The following CLXN variants were observed in gnomAD, a reference collection of about 807,000 sequenced individuals.
CLXN encodes calaxin, also known as EF-hand calcium binding domain 1.
the CLXN span, among the ~76,000 whole-genome samples, chr8:48,717,854 C>T: frequency 6.6e-6 from 1 of 152,076 alleles, no homozygotes; most frequent in Non-Finnish European, 1.5e-5. Flanking sequence ...GAAATAACTA[C>T]CAAAACCCCT....
chr8:48,725,026 C>A, the CLXN span, among the ~76,000 whole-genome samples: 1 of 152,178 alleles, frequency 6.6e-6, no homozygotes, highest in African/African-American at 2.4e-5. Context: ...ACCCAACTCT[C>A]CAAAAGTCTC....
the CLXN span, chr8:48,716,438 G>T: frequency 1.3e-5 from 2 of 152,598 alleles, no homozygotes; most frequent in East Asian, 1.9e-4. Flanking sequence ...ATCCCACAGT[G>T]CAGTGGCAGG....
chr8:48,727,189 C>T, the CLXN span, among the ~76,000 whole-genome samples: 1 of 116,728 alleles, frequency 8.6e-6, no homozygotes, highest in Non-Finnish European at 1.8e-5. Context: ...ACCCACCCAT[C>T]CACCTCACCC....
At chr8:48,728,808 C>T in the CLXN span, among the ~76,000 whole-genome samples, 2 of 152,340 alleles carry the variant, frequency 1.3e-5, no homozygotes, top group East Asian at 1.9e-4. Context: ...TTCTGGCACA[C>T]ATTAAACCTC....
chr8:48,716,057 G>A, the CLXN span: 10 of 152,364 alleles, frequency 6.6e-5, 1 homozygote, highest in African/African-American at 2.4e-4. Context: ...GGCAGAGCGG[G>A]AGCCCACCCA....
At chr8:48,721,311 T>C in the CLXN span, among the ~76,000 whole-genome samples, 1 of 151,944 alleles carries the variant, frequency 6.6e-6, no homozygotes, top group South Asian at 2.1e-4. Context: ...TTAAAGAAAA[T>C]ACAGACCAAT....
the CLXN span, among the ~76,000 whole-genome samples, chr8:48,722,609 G>GT: frequency 1.3e-5 from 2 of 152,098 alleles, no homozygotes; most frequent in Non-Finnish European, 2.9e-5. Context: ...AGTTTTCAGT[G>GT]TATCCCTAGA....
the CLXN span, chr8:48,730,060 C>T: frequency 2.2e-6 from 1 of 461,778 alleles, no homozygotes; most frequent in African/African-American, 2.0e-5. Flanking sequence ...TTTCCTGATT[C>T]TCAATTATGA....
At chr8:48,717,729 C>T in the CLXN span, among the ~76,000 whole-genome samples, 1 of 152,014 alleles carries the variant, frequency 6.6e-6, no homozygotes, top group Non-Finnish European at 1.5e-5. Flanking sequence ...TACAAAGAAG[C>T]AAACTAATTA....
chr8:48,710,899 T>C, the CLXN span: 1 of 152,242 alleles, frequency 6.6e-6, no homozygotes, highest in Non-Finnish European at 1.5e-5. Flanking sequence ...TGTGCTGATG[T>C]AACTATGAGC....
the CLXN span, chr8:48,716,169 G>C: frequency 3.3e-5 from 5 of 152,420 alleles, no homozygotes; most frequent in African/African-American, 1.2e-4. Context: ...CTGCTTGGGC[G>C]GGCCGGCAGT....
the CLXN span, among the ~76,000 whole-genome samples, chr8:48,732,677 T>C: frequency 6.6e-6 from 1 of 152,154 alleles, no homozygotes; most frequent in Non-Finnish European, 1.5e-5. Flanking sequence ...ATGTTCATAG[T>C]GTCATCATTC....
chr8:48,729,880 G>T, the CLXN span: 2 of 1,597,722 alleles, frequency 1.3e-6, no homozygotes, highest in Non-Finnish European at 1.7e-6. Flanking sequence ...ATCTTTTTAA[G>T]AAAATAACAA....
At chr8:48,710,893 C>T in the CLXN span, 14 of 152,206 alleles carry the variant, frequency 9.2e-5, no homozygotes, top group Non-Finnish European at 1.8e-4. Context: ...TTACATTGTG[C>T]TGATGTAACT....
At chr8:48,723,139 AAC>A in the CLXN span, among the ~76,000 whole-genome samples, 2 of 152,228 alleles carry the variant, frequency 1.3e-5, no homozygotes, top group African/African-American at 4.8e-5. Flanking sequence ...AAAGGTGGCT[AAC>A]ACACACAAAA....
chr8:48,727,193 CT>C, the CLXN span, among the ~76,000 whole-genome samples: 2 of 109,512 alleles, frequency 1.8e-5, no homozygotes, highest in African/African-American at 7.3e-5. Context: ...ACCCATCCAC[CT>C]CACCCATTCA....
chr8:48,719,610 C>T, the CLXN span, among the ~76,000 whole-genome samples: 1 of 152,200 alleles, frequency 6.6e-6, no homozygotes, highest in African/African-American at 2.4e-5. Context: ...AAAGATGCTT[C>T]AGCATATGCA....
At chr8:48,731,518 T>C in the CLXN span, 70 of 1,575,754 alleles carry the variant, frequency 4.4e-5, 1 homozygote, top group South Asian at 7.0e-4. Context: ...AATAATAAAA[T>C]AGATATAACA....
At chr8:48,713,132 C>G in the CLXN span, among the ~76,000 whole-genome samples, 2 of 152,152 alleles carry the variant, frequency 1.3e-5, no homozygotes, top group African/African-American at 4.8e-5. Flanking sequence ...CTGGAAAACA[C>G]TGCAAGACAC....
Sources: allele counts gnomAD v4.1 joint callset (sites outside exome capture counted in the v4.1 genomes callset), GRCh38; gene constraint gnomAD v4.1.1; transcripts MANE v1.5; gene names NCBI Gene and HGNC (gene_info 2026-07-23, HGNC 2026-07-21).